RNLS: variants seen among roughly 807,000 people sequenced by gnomAD.
RNLS encodes the protein renalase, FAD dependent amine oxidase, also known as renalase.
RNLS carries 39 observed loss-of-function variants against 39.8 expected under a neutral mutation model. The ratio of observed to expected loss-of-function variants is 0.98; its 90% CI spans 0.76 to 1.28. The LOEUF is 1.28. Among genes scored for constraint, RNLS ranks in the 50% most tolerant of loss-of-function variants. The pLI is 0.00. For synonymous variants in RNLS, 147 were observed against 150.7 expected (o/e 0.98, Z 0.18); for missense variants, 410 against 413.3 (o/e 0.99, Z 0.07).
chr10:88,468,409 A>C (rs1181284514), intron 4 of RNLS, among the ~76,000 whole-genome samples: 1 of 152,126 alleles, frequency 6.6e-6, no homozygotes, highest in South Asian at 2.1e-4. Context: ...TTATCCGGTA[A>C]CCTAACGAGA....
the RNLS span, among the ~76,000 whole-genome samples, chr10:88,253,882 G>A: frequency 2.0e-5 from 3 of 152,134 alleles, no homozygotes; most frequent in East Asian, 3.9e-4. Flanking sequence ...GGTGTTAGGT[G>A]GCAAAGGCTC....
chr10:88,575,546 A>G (rs868381426), intron 3 of RNLS, among the ~76,000 whole-genome samples: 1 of 152,202 alleles, frequency 6.6e-6, no homozygotes, highest in Middle Eastern at 3.4e-3. Context: ...ATCAAGAGGT[A>G]GGAGAAATGG....
the RNLS span, among the ~76,000 whole-genome samples, chr10:88,190,479 G>A: frequency 6.6e-6 from 1 of 152,204 alleles, no homozygotes; most frequent in Admixed American, 6.5e-5. Flanking sequence ...TTTCCCAGAG[G>A]AGGTGGGACA....
chr10:88,350,183 G>A (rs1347522350), intron 5 of RNLS, among the ~76,000 whole-genome samples: 1 of 147,712 alleles, frequency 6.8e-6, no homozygotes, highest in Non-Finnish European at 1.5e-5. Context: ...TGCATTTTCT[G>A]CAAGTTCAAA....
intron 5 of RNLS, 141 bp from the exon 6 acceptor site, chr10:88,314,782 A>G: frequency 1.5e-6 from 1 of 668,986 alleles, no homozygotes; most frequent in South Asian, 3.0e-5. Flanking sequence ...TCTCTAAAGC[A>G]TAAATTAGGC....
chr10:88,291,238 C>T (rs1234280949), intron 6 of RNLS, among the ~76,000 whole-genome samples: 1 of 152,160 alleles, frequency 6.6e-6, no homozygotes, highest in East Asian at 1.9e-4. Context: ...AGTTAAGTAG[C>T]ATTGTTGCTG....
chr10:88,229,679 C>T, the RNLS span, among the ~76,000 whole-genome samples: 2 of 152,208 alleles, frequency 1.3e-5, no homozygotes, highest in African/African-American at 4.8e-5. Flanking sequence ...GCTCCCCTCT[C>T]TCCCCAGTCT....
At chr10:88,471,125 A>G (rs1319540254) in intron 4 of RNLS, among the ~76,000 whole-genome samples, 1 of 152,164 alleles carries the variant, frequency 6.6e-6, no homozygotes, top group East Asian at 1.9e-4. Flanking sequence ...TTCAAGGAAA[A>G]TATTTAAGTA....
intron 4 of RNLS, among the ~76,000 whole-genome samples, chr10:88,435,930 C>G (rs1030044370): frequency 3.6e-4 from 55 of 152,142 alleles, no homozygotes; most frequent in African/African-American, 1.3e-3. Flanking sequence ...ATTATATTAT[C>G]AGTAAAATGA....
intron 4 of RNLS, among the ~76,000 whole-genome samples, chr10:88,486,363 G>T (rs1301184769): frequency 6.6e-6 from 1 of 152,060 alleles, no homozygotes; most frequent in Non-Finnish European, 1.5e-5. Flanking sequence ...AGTAAAATTT[G>T]ACAAATGAGA....
intron 4 of RNLS, among the ~76,000 whole-genome samples, chr10:88,457,282 T>C (rs1842683635): frequency 6.6e-6 from 1 of 152,198 alleles, no homozygotes; most frequent in Admixed American, 6.5e-5. Context: ...CATATAATGG[T>C]TGTTTTTGTA....
intron 4 of RNLS, among the ~76,000 whole-genome samples, chr10:88,443,651 C>A (rs1841860179): frequency 6.6e-6 from 1 of 152,228 alleles, no homozygotes; most frequent in Non-Finnish European, 1.5e-5. Context: ...TAGCAAATGG[C>A]ACACCAGGAG....
intron 4 of RNLS, among the ~76,000 whole-genome samples, chr10:88,388,474 C>T (rs1226863801): frequency 6.6e-6 from 1 of 152,212 alleles, no homozygotes; most frequent in African/African-American, 2.4e-5. Context: ...TTGCCTCACT[C>T]TGCCTAGGAC....
downstream of RNLS, among the ~76,000 whole-genome samples, chr10:88,282,478 T>TACACACACACAC (rs60829171): frequency 7.0e-6 from 1 of 142,932 alleles, no homozygotes; most frequent in African/African-American, 2.6e-5. Context: ...AAAGTGAAAA[T>TACACACACACAC]ACACACACAC....
chr10:88,356,748 C>T (rs1245295577), intron 5 of RNLS, among the ~76,000 whole-genome samples: 1 of 152,068 alleles, frequency 6.6e-6, no homozygotes, highest in Non-Finnish European at 1.5e-5. Context: ...ATATTGAAAA[C>T]TATGTCATTA....
chr10:88,240,900 GA>G, the RNLS span, among the ~76,000 whole-genome samples: 1 of 150,930 alleles, frequency 6.6e-6, no homozygotes, highest in African/African-American at 2.4e-5. Context: ...AGTTGGCAAA[GA>G]TTTTTTTTTT....
At chr10:88,248,884 G>A in the RNLS span, among the ~76,000 whole-genome samples, 1 of 152,182 alleles carries the variant, frequency 6.6e-6, no homozygotes, top group Non-Finnish European at 1.5e-5. Context: ...AGAGTTAATT[G>A]AAGTTTCCTG....
chr10:88,225,762 G>A, the RNLS span, among the ~76,000 whole-genome samples: 1 of 152,054 alleles, frequency 6.6e-6, no homozygotes, highest in African/African-American at 2.4e-5. Flanking sequence ...CCAATATAGG[G>A]TTGCTAATGT....
At chr10:88,483,024 T>A (rs1385440483) in intron 4 of RNLS, among the ~76,000 whole-genome samples, 1 of 152,064 alleles carries the variant, frequency 6.6e-6, no homozygotes, top group Non-Finnish European at 1.5e-5. Context: ...TATATCTTTT[T>A]AAAATTCTTA....
Sources: allele counts gnomAD v4.1 joint callset (sites outside exome capture counted in the v4.1 genomes callset), GRCh38; gene constraint gnomAD v4.1.1; transcripts MANE v1.5; gene names NCBI Gene and HGNC (gene_info 2026-07-23, HGNC 2026-07-21).